RUNX2: variants seen among roughly 807,000 people sequenced by gnomAD.
The protein encoded by RUNX2 is RUNX family transcription factor 2.
In RUNX2, 10 loss-of-function variants were observed where a neutral mutation model predicts 51.7. The observed-to-expected ratio is 0.19, with a 90% CI of 0.12 to 0.33. The LOEUF (loss-of-function observed/expected upper bound fraction) is 0.33, where lower values mean the gene tolerates loss of function less well. Among genes scored for constraint, RUNX2 ranks in the 10% least tolerant of loss-of-function variants. The pLI is 1.00. For synonymous variants in RUNX2, 276 were observed against 273.6 expected (o/e 1.01, Z -0.09); for missense variants, 562 against 691.3 (o/e 0.81, Z 2.10).
At chr6:45,354,646 C>T (rs73735386) in intron 2 of RUNX2, among the ~76,000 whole-genome samples, 22,773 of 151,864 alleles carry the variant, frequency 0.15, 1,941 homozygotes, top group East Asian at 0.26. Context: ...CACACACACA[C>T]ACACACAGTC....
chr6:45,410,239 G>A (rs1380456477), intron 2 of RUNX2, among the ~76,000 whole-genome samples: 5 of 152,234 alleles, frequency 3.3e-5, no homozygotes, highest in Non-Finnish European at 5.9e-5. Flanking sequence ...GGATAGACTG[G>A]GATTGAGATG....
intron 2 of RUNX2, among the ~76,000 whole-genome samples, chr6:45,388,936 T>C (rs747723650): frequency 6.6e-6 from 1 of 152,210 alleles, no homozygotes; most frequent in Non-Finnish European, 1.5e-5. Flanking sequence ...ATATAGCAAT[T>C]CTCAAATTAT....
At chr6:45,328,912 T>C (rs749689318) in intron 2 of RUNX2, 128 bp downstream of exon 2, 8 of 996,918 alleles carry the variant, frequency 8.0e-6, no homozygotes, top group Non-Finnish European at 1.2e-5. Context: ...TCTTGTTGCA[T>C]TAAGAATTGA....
At chr6:45,443,012 A>C (rs1233205337) in intron 5 of RUNX2, among the ~76,000 whole-genome samples, 2 of 150,142 alleles carry the variant, frequency 1.3e-5, no homozygotes, top group Non-Finnish European at 2.9e-5. Flanking sequence ...CCTAAGGTAC[A>C]AAAGTGAGAG....
chr6:45,405,545 T>G lies in RUNX2; in HGVS notation c.59-17048T>G, dbSNP rs187540633. ...GGCTTATGCCTGTAATCCCAGCACT[T>G]TGGGAGGCCGAGGCAGGGGGATCAC... is the stretch of plus-strand genomic sequence containing the variant. On this transcript the variant is annotated intron_variant, in intron 2 of 8. Transcript: ENST00000647337. Among the ~76,000 whole-genome samples, 75 of 152,268 alleles carry G rather than the reference T, an allele frequency of 4.9e-4. 1 individual carries two copies. Among genetic ancestry groups the G allele is most frequent in the African/African-American group, 1.8e-3 (74 of 41,544 alleles).
At position 45,405,851 on chromosome 6, in the gene RUNX2, G is replaced by A. The variant is rs184446827; in HGVS notation, c.59-16742G>A. On this transcript the variant is annotated intron_variant, in intron 2 of 8. Transcript: ENST00000647337. Reference sequence around the variant, plus strand: ...TAGAAATTGGCAAGTGCTATAGATCGGTAGAATGGGTTCACATCTAGCATT... The same window carrying A: ...TAGAAATTGGCAAGTGCTATAGATCAGTAGAATGGGTTCACATCTAGCATT... Among the ~76,000 whole-genome samples, 5 of 152,136 alleles carry A rather than the reference G, an allele frequency of 3.3e-5. No homozygotes were observed. In the East Asian group the frequency reaches 7.7e-4, roughly 24 times the overall value.
intron 6 of RUNX2, among the ~76,000 whole-genome samples, chr6:45,498,228 G>A (rs1296427960): frequency 6.6e-6 from 1 of 152,134 alleles, no homozygotes; most frequent in Admixed American, 6.5e-5. Context: ...CATTTATTCA[G>A]TTCTTTACCA....
At chr6:45,337,430 T>C (rs1280520413) in intron 2 of RUNX2, among the ~76,000 whole-genome samples, 2 of 151,784 alleles carry the variant, frequency 1.3e-5, no homozygotes, top group African/African-American at 4.8e-5. Flanking sequence ...TAAATCAATA[T>C]ATACAAGGGT....
chr6:45,419,798 C>G (rs1010944624), intron 2 of RUNX2, among the ~76,000 whole-genome samples: 2 of 152,134 alleles, frequency 1.3e-5, no homozygotes, highest in South Asian at 2.1e-4. Flanking sequence ...TGGCGGCGCC[C>G]GGGCTGGGAG....
intron 2 of RUNX2, among the ~76,000 whole-genome samples, chr6:45,352,035 C>G (rs1792164161): frequency 6.6e-6 from 1 of 152,144 alleles, no homozygotes; most frequent in East Asian, 1.9e-4. Context: ...TCTTTGCCAT[C>G]CCAACCAGCT....
rs571797070 is a variant in RUNX2 at position 45,537,012 on chromosome 6, T to C, written c.1022-8205T>C. 2.6e-5 allele frequency among the ~76,000 whole-genome samples: 4 copies of C among 152,312 alleles called. No individual in the cohort carries two copies. In the South Asian group the frequency reaches 8.3e-4, roughly 32 times the overall value. Reference sequence around the variant, plus strand: ...CGGTTTCCTTCTTCTCTGGCTCTACTAGTTCAAATAGTGCGGGTAAGGAGG... The same window carrying C: ...CGGTTTCCTTCTTCTCTGGCTCTACCAGTTCAAATAGTGCGGGTAAGGAGG... On this transcript the variant is annotated intron_variant, in intron 7 of 8. Coordinates refer to ENST00000647337, the MANE Select transcript of RUNX2 (RefSeq NM_001024630.4).
At chr6:45,502,610 G>A (rs892869962) in intron 6 of RUNX2, among the ~76,000 whole-genome samples, 2 of 152,126 alleles carry the variant, frequency 1.3e-5, no homozygotes, top group Non-Finnish European at 2.9e-5. Context: ...GTGATCAGCT[G>A]ATGTGTGGAG....
chr6:45,519,828 GTGTGTGTGTA>G (rs1801448103), intron 7 of RUNX2, among the ~76,000 whole-genome samples: 1 of 145,688 alleles, frequency 6.9e-6, no homozygotes, highest in Admixed American at 7.0e-5. Flanking sequence ...GTGTGTGTGT[GTGTGTGTGTA>G]TATATTTGAG....
chr6:45,410,268 G>A (rs1452317769), intron 2 of RUNX2, among the ~76,000 whole-genome samples: 1 of 152,168 alleles, frequency 6.6e-6, no homozygotes, highest in African/African-American at 2.4e-5. Flanking sequence ...TGGAGGCAGG[G>A]AGACACGTTA....
At chr6:45,349,665 G>T (rs1341704315) in intron 2 of RUNX2, among the ~76,000 whole-genome samples, 1 of 152,086 alleles carries the variant, frequency 6.6e-6, no homozygotes, top group East Asian at 1.9e-4. Flanking sequence ...TGTTTCACTG[G>T]TTTTCATCAA....
chr6:45,357,030 G>A (rs867526264), intron 2 of RUNX2, among the ~76,000 whole-genome samples: 12 of 151,522 alleles, frequency 7.9e-5, no homozygotes, highest in South Asian at 2.1e-4. Flanking sequence ...TTTCTGAGAC[G>A]GAGTCTCACT....
At chr6:45,492,818 T>G (rs1369316023) in intron 6 of RUNX2, among the ~76,000 whole-genome samples, 1 of 152,238 alleles carries the variant, frequency 6.6e-6, no homozygotes, top group Non-Finnish European at 1.5e-5. Flanking sequence ...AAGACTCGTT[T>G]GAATGCTTTT....
chr6:45,400,703 A>C (rs1797697651), intron 2 of RUNX2, among the ~76,000 whole-genome samples: 1 of 152,208 alleles, frequency 6.6e-6, no homozygotes, highest in Admixed American at 6.5e-5. Flanking sequence ...CTTAGAACCC[A>C]GCCGTTTTCC....
rs1788804102 is a variant in RUNX2 at position 45,337,425 on chromosome 6, C to A, written c.58+8641C>A. Among the ~76,000 whole-genome samples the A allele has an allele frequency of 3.3e-5, 5 of 151,622 alleles. No homozygotes were observed. The South Asian group carries it at 1.0e-3, about 31-fold the overall frequency. On this transcript the variant is annotated intron_variant, in intron 2 of 8. Coordinates refer to ENST00000647337, the MANE Select transcript of RUNX2 (RefSeq NM_001024630.4). The stretch of plus-strand genomic sequence containing the variant: ...CTGCATTTAAAATATATAATTAAAT[C>A]AATATATACAAGGGTTACTCTAAAA...
Sources: gnomAD v4.1 joint callset for allele counts (sites outside exome capture counted in the v4.1 genomes callset) on GRCh38, gnomAD v4.1.1 for gene constraint, MANE v1.5 for transcripts, NCBI Gene and HGNC (gene_info 2026-07-23, HGNC 2026-07-21) for gene names.